Variants in SLC25A28 observed in about 807,000 individuals in gnomAD.
SLC25A28 encodes solute carrier family 25 member 28, also known as mitoferrin-2.
Under a neutral mutation model 31.9 loss-of-function variants are expected in SLC25A28, and 10 were observed. The ratio of observed to expected loss-of-function variants is 0.31; its 90% CI spans 0.19 to 0.53. The LOEUF (loss-of-function observed/expected upper bound fraction) is 0.53, where lower values mean the gene tolerates loss of function less well. Among genes scored for constraint, SLC25A28 ranks in the 20% least tolerant of loss-of-function variants. The pLI, the probability that SLC25A28 is intolerant of heterozygous loss-of-function variation, is 0.95. For missense variants in SLC25A28, 256 were observed against 490.3 expected (o/e 0.52, Z 4.51); for synonymous variants, 208 against 203.6 (o/e 1.02, Z -0.19).
chr10:99,619,971 G>A, intron 1 of SLC25A28, 74 bp downstream of exon 1: 1 of 1,422,376 alleles, frequency 7.0e-7, no homozygotes, highest in Non-Finnish European at 9.3e-7. Context: ...CTCTCAGCCG[G>A]GATCCTGGCT....
At position 99,611,158 on chromosome 10, in the gene SLC25A28, G is replaced by A; in HGVS notation, c.786C>T (p.Ser262=). ...CGCAAGCTCCAGAGAGGACGTGGGA[G>A]CTTGGGTTGTACCGTCTCTGGGGGT... ...HFNPQRRYNP[S]SHVLSGACAG... Residue 262 remains serine (S), a synonymous_variant, in exon 4 of 4, where the codon AGC becomes AGT. Coordinates refer to ENST00000370495, the MANE Select transcript of SLC25A28 (RefSeq NM_031212.4). This position sits in a 1 kb window ranked among gnomAD's most constrained non-coding sequence, Gnocchi z 5.5. The A allele has an allele frequency of 1.2e-6, 2 of 1,614,188 alleles. No homozygotes were observed. The highest frequency in any genetic ancestry group is 1.7e-6 in the Non-Finnish European group (2 of 1,180,026).
upstream of SLC25A28, among the ~76,000 whole-genome samples, chr10:99,623,023 G>A (rs1590003004): frequency 6.6e-6 from 1 of 152,258 alleles, no homozygotes; most frequent in East Asian, 1.9e-4. Context: ...TTTGAAATAG[G>A]GTGGTATGAT....
chr10:99,644,224 GA>G, the SLC25A28 span, among the ~76,000 whole-genome samples: 8 of 152,226 alleles, frequency 5.3e-5, no homozygotes. Flanking sequence ...GGTCTCTAAG[GA>G]CTTGCTTTAT....
At chr10:99,645,486 G>A in the SLC25A28 span, among the ~76,000 whole-genome samples, 3 of 152,098 alleles carry the variant, frequency 2.0e-5, no homozygotes, top group Non-Finnish European at 2.9e-5. Context: ...GCTACTTTGC[G>A]GTGGGTTCGA....
chr10:99,655,721 T>G, the SLC25A28 span, among the ~76,000 whole-genome samples: 1 of 152,246 alleles, frequency 6.6e-6, no homozygotes. Context: ...CCCTTTCATA[T>G]TATTAGCTAA....
chr10:99,643,186 C>T, the SLC25A28 span, among the ~76,000 whole-genome samples: 2 of 152,092 alleles, frequency 1.3e-5, no homozygotes, highest in African/African-American at 2.4e-5. Flanking sequence ...GCTGTGAATC[C>T]GTCTGGTCCT....
the SLC25A28 span, among the ~76,000 whole-genome samples, chr10:99,626,370 G>A: frequency 2.6e-5 from 4 of 152,190 alleles, no homozygotes; most frequent in Admixed American, 2.6e-4. Flanking sequence ...TGGAGACTGT[G>A]TACAGGAAGA....
chr10:99,623,159 C>A (rs2034825357), upstream of SLC25A28, among the ~76,000 whole-genome samples: 4 of 152,064 alleles, frequency 2.6e-5, no homozygotes, highest in South Asian at 8.3e-4. Flanking sequence ...GGCATGCCAG[C>A]AGAAGGAACA....
the SLC25A28 span, among the ~76,000 whole-genome samples, chr10:99,629,704 T>C: frequency 6.6e-6 from 1 of 152,222 alleles, no homozygotes; most frequent in Admixed American, 6.5e-5. Flanking sequence ...GATAGCTCTA[T>C]AGAGACAGAA....
chr10:99,631,896 T>TC, the SLC25A28 span, among the ~76,000 whole-genome samples: 1 of 114,700 alleles, frequency 8.7e-6, no homozygotes, highest in Non-Finnish European at 1.8e-5. Flanking sequence ...TTTTTATTTT[T>TC]TTTTTTTTTT....
intron 2 of SLC25A28, 131 bp from the exon 3 acceptor site, chr10:99,612,730 G>T: frequency 1.0e-6 from 1 of 999,406 alleles, no homozygotes; most frequent in Non-Finnish European, 1.6e-6. Context: ...TAGTCCAAAA[G>T]ATGGGGACCC....
the SLC25A28 span, among the ~76,000 whole-genome samples, chr10:99,641,992 A>G: frequency 6.6e-6 from 1 of 152,094 alleles, no homozygotes; most frequent in Non-Finnish European, 1.5e-5. Flanking sequence ...GTTTGAAGTC[A>G]GGTAGCATGA....
chr10:99,653,228 A>G, the SLC25A28 span, among the ~76,000 whole-genome samples: 1 of 152,192 alleles, frequency 6.6e-6, no homozygotes, highest in East Asian at 1.9e-4. Flanking sequence ...CAAAGGATAA[A>G]GTTTCTACCT....
the SLC25A28 span, among the ~76,000 whole-genome samples, chr10:99,635,867 A>G: frequency 2.0e-5 from 3 of 152,372 alleles, no homozygotes; most frequent in East Asian, 3.9e-4. Context: ...TGGTTAAAAG[A>G]GACAAAGAGG....
At chr10:99,654,381 C>T in the SLC25A28 span, among the ~76,000 whole-genome samples, 2 of 152,174 alleles carry the variant, frequency 1.3e-5, no homozygotes, top group East Asian at 3.8e-4. Context: ...TATTTCTATT[C>T]TGTTATCCCC....
chr10:99,649,653 G>A, the SLC25A28 span, among the ~76,000 whole-genome samples: 1 of 152,114 alleles, frequency 6.6e-6, no homozygotes. Context: ...TGTTCTGTCT[G>A]TTCAGGAGTT....
the SLC25A28 span, among the ~76,000 whole-genome samples, chr10:99,649,159 A>G: frequency 6.6e-6 from 1 of 152,176 alleles, no homozygotes; most frequent in African/African-American, 2.4e-5. Flanking sequence ...GATTTTTATC[A>G]TGAAGGGATG....
At chr10:99,634,565 C>A in the SLC25A28 span, among the ~76,000 whole-genome samples, 2 of 152,206 alleles carry the variant, frequency 1.3e-5, no homozygotes, top group South Asian at 2.1e-4. Context: ...AAGACAAGGT[C>A]TTTGAATTAA....
upstream of SLC25A28, among the ~76,000 whole-genome samples, chr10:99,624,600 C>T (rs554260432): frequency 2.6e-5 from 4 of 152,196 alleles, no homozygotes; most frequent in South Asian, 2.1e-4. Context: ...TTTGGGAGAC[C>T]GAGGCAGGTA....
Sources: gnomAD v4.1 joint callset for allele counts (sites outside exome capture counted in the v4.1 genomes callset) on GRCh38, gnomAD v4.1.1 for gene constraint, Gnocchi (gnomAD v3.1) non-coding constraint, MANE v1.5 for transcripts, NCBI Gene and HGNC (gene_info 2026-07-23, HGNC 2026-07-21) for gene names.